The following KCNH7 variants were observed in gnomAD, a reference collection of about 807,000 sequenced individuals.
The protein encoded by KCNH7 is potassium voltage-gated channel subfamily H member 7, also known as voltage-gated inwardly rectifying potassium channel KCNH7.
A neutral mutation model predicts 120.8 loss-of-function variants in KCNH7; 49 were observed. The ratio of observed to expected loss-of-function variants is 0.41; its 90% CI spans 0.32 to 0.51. KCNH7 has a LOEUF of 0.51. Among genes scored for constraint, KCNH7 ranks in the 20% least tolerant of loss-of-function variants. KCNH7 has a pLI of 0.38. For missense variants in KCNH7, 1,097 were observed against 1,446.6 expected (o/e 0.76, Z 3.92); for synonymous variants, 547 against 516.1 (o/e 1.06, Z -0.81).
At chr2:162,693,201 C>T (rs1219387657) in intron 2 of KCNH7, among the ~76,000 whole-genome samples, 1 of 152,142 alleles carries the variant, frequency 6.6e-6, no homozygotes, top group Non-Finnish European at 1.5e-5. Flanking sequence ...AAAAACACAT[C>T]CCTGAGCCCT....
At chr2:162,723,031 T>C (rs71424749) in intron 2 of KCNH7, among the ~76,000 whole-genome samples, 3,402 of 151,908 alleles carry the variant, frequency 0.022, 70 homozygotes, top group East Asian at 0.11. Context: ...TGGTATCCTG[T>C]TGACCTTGTT....
At chr2:162,471,173 C>T (rs1481271662) in intron 6 of KCNH7, among the ~76,000 whole-genome samples, 2 of 151,654 alleles carry the variant, frequency 1.3e-5, no homozygotes, top group Non-Finnish European at 2.9e-5. Flanking sequence ...TATCTGCTGA[C>T]CTTCCCTTCA....
At chr2:162,492,671 C>A (rs1336498662) in intron 6 of KCNH7, among the ~76,000 whole-genome samples, 2 of 152,108 alleles carry the variant, frequency 1.3e-5, no homozygotes, top group Non-Finnish European at 2.9e-5. Context: ...TTAGTTGAGG[C>A]TTATTGGCTT....
intron 2 of KCNH7, among the ~76,000 whole-genome samples, chr2:162,678,712 T>C (rs1685609621): frequency 6.6e-6 from 1 of 151,512 alleles, no homozygotes; most frequent in African/African-American, 2.4e-5. Flanking sequence ...GATACATATG[T>C]TTGAATCAGG....
chr2:162,616,623 C>G (rs973751337), intron 2 of KCNH7, among the ~76,000 whole-genome samples: 2 of 152,142 alleles, frequency 1.3e-5, no homozygotes, highest in Non-Finnish European at 2.9e-5. Context: ...AAATTTGTCA[C>G]TGGTCTCATC....
chr2:162,703,914 G>C (rs1245684049), intron 2 of KCNH7, among the ~76,000 whole-genome samples: 1 of 152,024 alleles, frequency 6.6e-6, no homozygotes, highest in Non-Finnish European at 1.5e-5. Flanking sequence ...CAATCCACCT[G>C]CCAACTGTTC....
chr2:162,470,418 A>C (rs1268358256), intron 6 of KCNH7, among the ~76,000 whole-genome samples: 6 of 123,350 alleles, frequency 4.9e-5, no homozygotes, highest in Admixed American at 9.5e-5. Context: ...AAGTGAGGAG[A>C]CCCTACGCCC....
At chr2:162,787,671 G>C (rs1683762381) in intron 2 of KCNH7, among the ~76,000 whole-genome samples, 1 of 152,178 alleles carries the variant, frequency 6.6e-6, no homozygotes, top group Non-Finnish European at 1.5e-5. Context: ...GCCTGGCCCA[G>C]GACCAGCCCG....
chr2:162,704,911 T>A (rs13416061), intron 2 of KCNH7, among the ~76,000 whole-genome samples: 19,685 of 152,244 alleles, frequency 0.13, 1,453 homozygotes, highest in East Asian at 0.34. Context: ...AGTCTCATAT[T>A]TTTGAAAATC....
chr2:162,652,903 G>T (rs773348823), intron 2 of KCNH7, among the ~76,000 whole-genome samples: 24 of 152,324 alleles, frequency 1.6e-4, no homozygotes, highest in Non-Finnish European at 2.2e-4. Flanking sequence ...TGGATGTCAA[G>T]CAATCTGAAT....
chr2:162,579,866 C>T lies in KCNH7; in HGVS notation c.308-42786G>A, dbSNP rs149437538. On this transcript the variant is annotated intron_variant, in intron 2 of 15. Transcript: ENST00000332142. ...CTGGAACTGTGGGGATGAAGAGTTA[C>T]GTAGAAGCAATGATTTCTCTTTTCG... Among the ~76,000 whole-genome samples the T allele has an allele frequency of 2.2e-3, 338 of 151,938 alleles. 3 individuals carry two copies. The highest frequency in any genetic ancestry group is 5.6e-3 in the African/African-American group (233 of 41,478).
At position 162,836,658 on chromosome 2, in the gene KCNH7, C is replaced by T; in HGVS notation, c.186G>A (p.Lys62=). ...TGFSRPDVMQ[K]PCTCDFLHGP... Reference sequence around the variant, plus strand: ...CATGGAGAAAGTCGCAGGTGCATGGCTTTTGCATGACATCTGGCCTGGAGA... The same window carrying T: ...CATGGAGAAAGTCGCAGGTGCATGGTTTTTGCATGACATCTGGCCTGGAGA... The change falls in exon 2 of 16, where the codon AAG becomes AAA. Residue 62 remains lysine, a synonymous_variant. Coordinates refer to ENST00000332142, the MANE Select transcript of KCNH7 (RefSeq NM_033272.4). 2 of 1,614,144 alleles carry T rather than the reference C, an allele frequency of 1.2e-6. No homozygotes were observed. Among genetic ancestry groups the T allele is most frequent in the Non-Finnish European group, 1.7e-6 (2 of 1,180,026 alleles).
intron 9 of KCNH7, among the ~76,000 whole-genome samples, chr2:162,412,440 G>A (rs1365323018): frequency 6.6e-6 from 1 of 152,010 alleles, no homozygotes; most frequent in Non-Finnish European, 1.5e-5. Context: ...TGTGAAGCAT[G>A]GATGACAACT....
chr2:162,680,303 A>T (rs1685668385), intron 2 of KCNH7, among the ~76,000 whole-genome samples: 1 of 151,698 alleles, frequency 6.6e-6, no homozygotes, highest in South Asian at 2.1e-4. Context: ...GAAGAGCAAC[A>T]TACAAACCGA....
At chr2:162,596,481 G>T (rs888126693) in intron 2 of KCNH7, among the ~76,000 whole-genome samples, 11 of 152,000 alleles carry the variant, frequency 7.2e-5, no homozygotes, top group Admixed American at 7.2e-4. Flanking sequence ...AGTAAATGTT[G>T]TTGGAAAAAC....
intron 3 of KCNH7, among the ~76,000 whole-genome samples, chr2:162,523,583 G>C: frequency 6.6e-6 from 1 of 151,332 alleles, no homozygotes; most frequent in Admixed American, 6.6e-5. Flanking sequence ...TTTCCTGTGT[G>C]AATTGATTCT....
At chr2:162,620,272 T>C (rs1164760318) in intron 2 of KCNH7, among the ~76,000 whole-genome samples, 2 of 151,410 alleles carry the variant, frequency 1.3e-5, no homozygotes, top group African/African-American at 4.8e-5. Context: ...TATATATATG[T>C]ATGTATATAA....
chr2:162,648,994 G>C (rs757235805), intron 2 of KCNH7, among the ~76,000 whole-genome samples: 28 of 152,066 alleles, frequency 1.8e-4, no homozygotes, highest in Non-Finnish European at 4.0e-4. Context: ...GTTTTGGCAG[G>C]ACATTGTTTC....
chr2:162,806,493 A>G (rs1231494148), intron 2 of KCNH7, among the ~76,000 whole-genome samples: 1 of 152,194 alleles, frequency 6.6e-6, no homozygotes, highest in East Asian at 1.9e-4. Flanking sequence ...CCTTATCTCC[A>G]TAATTTCTGG....
Sources: gnomAD v4.1 joint callset for allele counts (sites outside exome capture counted in the v4.1 genomes callset) on GRCh38, gnomAD v4.1.1 for gene constraint, MANE v1.5 for transcripts, NCBI Gene and HGNC (gene_info 2026-07-23, HGNC 2026-07-21) for gene names.